TCEANC2: variants seen among roughly 807,000 people sequenced by gnomAD.
The protein encoded by TCEANC2 is transcription elongation factor A N-terminal and central domain containing 2.
TCEANC2 carries 20 observed loss-of-function variants against 22.8 expected under a neutral mutation model. The observed-to-expected ratio is 0.88, with a 90% CI of 0.62 to 1.28. The LOEUF is 1.28. Among genes scored for constraint, TCEANC2 ranks in the 50% most tolerant of loss-of-function variants. The probability of loss-of-function intolerance (pLI) is 0.00; values close to 1 mark genes in which losing one functional copy is unlikely to be tolerated. For synonymous variants in TCEANC2, 84 were observed against 95.5 expected, an observed-to-expected ratio of 0.88 and a Z score of 0.70; for missense variants, 251 against 249.7, an observed-to-expected ratio of 1.01 and a Z score of -0.03.
At position 54,096,223 on chromosome 1, in the gene TCEANC2, T is replaced by G; in HGVS notation, c.439-62T>G. 9 of 1,527,694 alleles carry G rather than the reference T, an allele frequency of 5.9e-6. No individual in the cohort carries two copies. The South Asian group carries it at 8.9e-5, about 15-fold the overall frequency. 94.6% of individuals were successfully genotyped at this position (1,527,694 alleles called of 1,614,324 possible). A position where few individuals can be genotyped will look rare whatever the true frequency, so the allele number is the denominator to read the frequency against. On this transcript the variant is annotated intron_variant, in intron 4 of 4. Coordinates refer to ENST00000234827, the MANE Select transcript of TCEANC2 (RefSeq NM_153035.3). The surrounding 1 kb of genome is among the most constrained non-coding windows in gnomAD (Gnocchi z 4.9). ...GGCCTCTGAGCAGAGTGCTCCAGCC[T>G]CTCTTGCTTTTAATCCTTACGCAAT...
At chr1:54,108,913 A>G (rs1328724226), downstream of TCEANC2, among the ~76,000 whole-genome samples, 1 of 152,086 alleles carries the variant, frequency 6.6e-6, no homozygotes, top group African/African-American at 2.4e-5. Flanking sequence ...CGGGGCTTGC[A>G]GTGAGCCGAG....
rs979870761 is a variant in TCEANC2, at chr1:54,099,492, C to T, written c.*3019C>T. 1 of 152,154 alleles carries T rather than the reference C, an allele frequency of 6.6e-6. No homozygotes were observed. The highest frequency in any genetic ancestry group is 2.4e-5 in the African/African-American group (1 of 41,412). The allele number at this position is 152,154 out of a possible 1,614,324, so 9.4% of individuals were successfully genotyped here. A position where few individuals can be genotyped will look rare whatever the true frequency, so the allele number is the denominator to read the frequency against. ...GGTGCATTGGTTCATGCCTATAATC[C>T]CAGCGCTTTGGGAGGTCGAGGCAGG... On this transcript the variant is annotated 3_prime_UTR_variant, in exon 5 of 5. Coordinates refer to ENST00000234827, the MANE Select transcript of TCEANC2 (RefSeq NM_153035.3).
intron 3 of TCEANC2, among the ~76,000 whole-genome samples, chr1:54,087,679 C>G (rs1256490701): frequency 6.6e-6 from 1 of 152,144 alleles, no homozygotes; most frequent in East Asian, 1.9e-4. Context: ...AATCACACGT[C>G]GCATTTGGTA....
chr1:54,069,191 T>TA (rs746872021), intron 3 of TCEANC2, among the ~76,000 whole-genome samples: 5 of 152,238 alleles, frequency 3.3e-5, no homozygotes, highest in Admixed American at 6.5e-5. Flanking sequence ...TCTAAATGCT[T>TA]ACATTTAATT....
chr1:54,058,753 T>C (rs890128462), intron 2 of TCEANC2, among the ~76,000 whole-genome samples: 7 of 152,180 alleles, frequency 4.6e-5, no homozygotes, highest in African/African-American at 1.4e-4. Context: ...ACCTCCTGGG[T>C]TGAAGCGATT....
chr1:54,085,908 A>AT (rs1232498811), intron 3 of TCEANC2, among the ~76,000 whole-genome samples: 1 of 151,352 alleles, frequency 6.6e-6, no homozygotes, highest in Non-Finnish European at 1.5e-5. Context: ...TAATTTTTTA[A>AT]TTTTTTGTAG....
chr1:54,060,584 T>TAAAA (rs1657833608), intron 2 of TCEANC2, among the ~76,000 whole-genome samples: 1 of 150,324 alleles, frequency 6.7e-6, no homozygotes, highest in Non-Finnish European at 1.5e-5. Flanking sequence ...TAAAATAAAA[T>TAAAA]AATGAGGAAA....
chr1:54,090,395 A>T (rs1258959677), intron 4 of TCEANC2, among the ~76,000 whole-genome samples: 1 of 152,206 alleles, frequency 6.6e-6, no homozygotes, highest in East Asian at 1.9e-4. Flanking sequence ...AGTTATGATT[A>T]TCTGAGATTT....
downstream of TCEANC2, among the ~76,000 whole-genome samples, chr1:54,109,523 T>C (rs1658809565): frequency 6.6e-6 from 1 of 152,228 alleles, no homozygotes; most frequent in Non-Finnish European, 1.5e-5. Context: ...GCTTACTACG[T>C]AGGTAACTAT....
intron 2 of TCEANC2, among the ~76,000 whole-genome samples, chr1:54,064,692 C>CTTTTTTTT (rs67486092): frequency 1.1e-5 from 1 of 93,672 alleles, no homozygotes; most frequent in Non-Finnish European, 2.0e-5. Context: ...TGCATTTTTC[C>CTTTTTTTT]TTTTTTTTTT....
chr1:54,083,185 G>A (rs1037405193), intron 3 of TCEANC2, among the ~76,000 whole-genome samples: 4 of 152,176 alleles, frequency 2.6e-5, no homozygotes, highest in Non-Finnish European at 2.9e-5. Context: ...ATAAGCAGGT[G>A]GAGATGTCCA....
chr1:54,081,486 A>C (rs754530619), intron 3 of TCEANC2, among the ~76,000 whole-genome samples: 9 of 152,112 alleles, frequency 5.9e-5, no homozygotes, highest in Non-Finnish European at 1.2e-4. Flanking sequence ...CACTCAAGCG[A>C]TCCTCCTGCC....
chr1:54,065,811 G>C (rs371073572), intron 2 of TCEANC2, among the ~76,000 whole-genome samples: 1 of 152,092 alleles, frequency 6.6e-6, no homozygotes, highest in African/African-American at 2.4e-5. Context: ...GGGCACAGTG[G>C]CTCACACTTG....
intron 2 of TCEANC2, among the ~76,000 whole-genome samples, chr1:54,066,673 G>A (rs1263033129): frequency 6.6e-6 from 1 of 152,030 alleles, no homozygotes; most frequent in Non-Finnish European, 1.5e-5. Context: ...CAACCAACCG[G>A]GATTATATGT....
At chr1:54,061,371 C>A (rs912098563) in intron 2 of TCEANC2, among the ~76,000 whole-genome samples, 1 of 152,120 alleles carries the variant, frequency 6.6e-6, no homozygotes, top group Non-Finnish European at 1.5e-5. Flanking sequence ...ATTGAAAGGG[C>A]TAACCATTGT....
rs570894732 is a variant in TCEANC2 at position 54,056,182 on chromosome 1, T to C, written c.102+1658T>C. Among the ~76,000 whole-genome samples the C allele has an allele frequency of 8.7e-4, 133 of 152,298 alleles. 1 individual carries two copies. Among genetic ancestry groups the C allele is most frequent in the Non-Finnish European group, 1.1e-3 (77 of 68,024 alleles). On this transcript the variant is annotated intron_variant, in intron 2 of 4. Coordinates refer to ENST00000234827, the MANE Select transcript of TCEANC2 (RefSeq NM_153035.3). Reference sequence around the variant, plus strand: ...ACCTTGTCAGAATATTCATGGATAATTGTACATAGCAATGATTCTCAATGA... The same window carrying C: ...ACCTTGTCAGAATATTCATGGATAACTGTACATAGCAATGATTCTCAATGA...
chr1:54,067,101 G>A (rs1470347607), intron 2 of TCEANC2, among the ~76,000 whole-genome samples: 1 of 152,228 alleles, frequency 6.6e-6, no homozygotes, highest in African/African-American at 2.4e-5. Flanking sequence ...GGGGTTGGTG[G>A]ACAGAGATCA....
intron 4 of TCEANC2, among the ~76,000 whole-genome samples, chr1:54,092,469 CAT>C (rs1266267082): frequency 5.3e-5 from 8 of 152,080 alleles, no homozygotes; most frequent in Non-Finnish European, 8.8e-5. Context: ...AAAATAGAAA[CAT>C]ATTTTATCTG....
At chr1:54,058,438 A>T (rs1657792600) in intron 2 of TCEANC2, among the ~76,000 whole-genome samples, 1 of 152,170 alleles carries the variant, frequency 6.6e-6, no homozygotes, top group Non-Finnish European at 1.5e-5. Flanking sequence ...TTCTTGAAAG[A>T]CTATGTCTCA....
Sources: gnomAD v4.1 joint callset for allele counts (sites outside exome capture counted in the v4.1 genomes callset) on GRCh38, gnomAD v4.1.1 for gene constraint, Gnocchi (gnomAD v3.1) non-coding constraint, MANE v1.5 for transcripts, NCBI Gene and HGNC (gene_info 2026-07-23, HGNC 2026-07-21) for gene names.